Variants in WWOX observed in about 807,000 individuals in gnomAD.
The protein encoded by WWOX is WW domain containing oxidoreductase.
In WWOX, 69 loss-of-function variants were observed where a neutral mutation model predicts 46.2. That is an observed-to-expected ratio of 1.49 (90% CI 1.23 to 1.82). WWOX has a LOEUF of 1.82. Ranked by LOEUF, WWOX falls within the 40% of genes most tolerant of loss-of-function variation. The pLI is 0.00. For missense variants in WWOX, 919 were observed against 542.6 expected, an observed-to-expected ratio of 1.69 and a Z score of -6.89; for synonymous variants, 359 against 202.6, an observed-to-expected ratio of 1.77 and a Z score of -6.56.
At chr16:78,914,590 G>A (rs1207997460) in intron 8 of WWOX, among the ~76,000 whole-genome samples, 1 of 151,924 alleles carries the variant, frequency 6.6e-6, no homozygotes, top group Non-Finnish European at 1.5e-5. Flanking sequence ...AGTATAAGAG[G>A]GAAACCAGGC....
At chr16:78,784,675 G>T (rs180795440) in intron 8 of WWOX, among the ~76,000 whole-genome samples, 39 of 152,332 alleles carry the variant, frequency 2.6e-4, no homozygotes, top group African/African-American at 8.4e-4. Context: ...GTCAGTGTCA[G>T]TGGTTCCCAA....
intron 8 of WWOX, among the ~76,000 whole-genome samples, chr16:78,572,720 A>T (rs67398431): frequency 0.19 from 28,230 of 151,984 alleles, 3,189 homozygotes; most frequent in African/African-American, 0.32. Context: ...TGATAAAACT[A>T]TAAAGAAAAC....
At chr16:78,765,201 G>A (rs370121473) in intron 8 of WWOX, among the ~76,000 whole-genome samples, 1 of 152,212 alleles carries the variant, frequency 6.6e-6, no homozygotes, top group African/African-American at 2.4e-5. Context: ...GACAACAAAG[G>A]CATCCCTGGC....
intron 8 of WWOX, among the ~76,000 whole-genome samples, chr16:78,820,281 C>T (rs909285068): frequency 6.6e-6 from 1 of 152,192 alleles, no homozygotes; most frequent in Admixed American, 6.5e-5. Flanking sequence ...CCAGAATGTC[C>T]TTTCCATGTG....
chr16:78,791,255 C>G (rs994429558), intron 8 of WWOX, among the ~76,000 whole-genome samples: 1 of 152,052 alleles, frequency 6.6e-6, no homozygotes. Flanking sequence ...CACACACCCT[C>G]CCTCCGATCC....
intron 5 of WWOX, among the ~76,000 whole-genome samples, chr16:78,181,093 A>G (rs1186962255): frequency 6.6e-6 from 1 of 152,176 alleles, no homozygotes; most frequent in Non-Finnish European, 1.5e-5. Context: ...ATAAATGTAT[A>G]CTGAAAGAGA....
chr16:78,496,909 A>G (rs933647151), intron 8 of WWOX, among the ~76,000 whole-genome samples: 1 of 152,222 alleles, frequency 6.6e-6, no homozygotes, highest in Non-Finnish European at 1.5e-5. Flanking sequence ...GGCCTTGCTC[A>G]TTGATTCTCT....
At chr16:79,057,385 C>A (rs562534427) in intron 8 of WWOX, among the ~76,000 whole-genome samples, 52 of 152,318 alleles carry the variant, frequency 3.4e-4, no homozygotes, top group African/African-American at 1.2e-3. Context: ...CTGTAATTCA[C>A]CGGCCATAGC....
At chr16:78,905,434 G>T (rs10431969) in intron 8 of WWOX, among the ~76,000 whole-genome samples, 4,032 of 152,266 alleles carry the variant, frequency 0.026, 201 homozygotes, top group East Asian at 0.25. Context: ...AGGCTGGAGT[G>T]CAAGTGGCCC....
chr16:79,083,387 CCT>C (rs1300329970), intron 8 of WWOX, among the ~76,000 whole-genome samples: 1 of 152,112 alleles, frequency 6.6e-6, no homozygotes, highest in Non-Finnish European at 1.5e-5. Flanking sequence ...CTCCTGGGTC[CCT>C]GAGTGACCAC....
At chr16:78,405,997 A>T (rs765772255) in intron 6 of WWOX, among the ~76,000 whole-genome samples, 2 of 152,136 alleles carry the variant, frequency 1.3e-5, no homozygotes, top group Non-Finnish European at 2.9e-5. Context: ...GATATTCTTT[A>T]ACTGGGGATC....
chr16:79,062,619 G>A (rs1036805775), intron 8 of WWOX, among the ~76,000 whole-genome samples: 4 of 151,700 alleles, frequency 2.6e-5, no homozygotes, highest in Non-Finnish European at 5.9e-5. Flanking sequence ...TTTAATGAAT[G>A]TTTACATTTA....
intron 8 of WWOX, among the ~76,000 whole-genome samples, chr16:78,906,256 GGAA>G (rs2151248598): frequency 6.6e-6 from 1 of 152,312 alleles, no homozygotes; most frequent in African/African-American, 2.4e-5. Context: ...GTCTCCACAA[GGAA>G]GAAGTAGGAG....
At chr16:79,187,071 G>C (rs1475586941) in intron 8 of WWOX, among the ~76,000 whole-genome samples, 2 of 152,096 alleles carry the variant, frequency 1.3e-5, no homozygotes, top group African/African-American at 4.8e-5. Flanking sequence ...TGACTCTTTG[G>C]GTATTGTGTT....
intron 8 of WWOX, among the ~76,000 whole-genome samples, chr16:78,775,043 C>T (rs142349355): frequency 2.3e-4 from 35 of 152,260 alleles, no homozygotes; most frequent in African/African-American, 7.7e-4. Flanking sequence ...ACAGCCCTCA[C>T]TCCTGAGGGT....
intron 8 of WWOX, among the ~76,000 whole-genome samples, chr16:79,208,725 T>G (rs569283970): frequency 1.3e-5 from 2 of 152,282 alleles, no homozygotes; most frequent in African/African-American, 4.8e-5. Context: ...TCAGTCTTAT[T>G]CTGATGATAT....
intron 8 of WWOX, chr16:78,996,201 G>C (rs1434306844): frequency 2.0e-6 from 2 of 984,190 alleles, no homozygotes; most frequent in Non-Finnish European, 1.2e-6. Context: ...TCTCCATTTA[G>C]AAATTTTTGA....
intron 8 of WWOX, among the ~76,000 whole-genome samples, chr16:79,163,520 C>T (rs901350296): frequency 2.6e-5 from 4 of 152,060 alleles, no homozygotes; most frequent in Non-Finnish European, 4.4e-5. Flanking sequence ...AGAGAAAGGC[C>T]GGGCATGGTG....
At chr16:78,724,249 G>A (rs962179464) in intron 8 of WWOX, among the ~76,000 whole-genome samples, 2 of 152,078 alleles carry the variant, frequency 1.3e-5, no homozygotes, top group Non-Finnish European at 2.9e-5. Flanking sequence ...TAGGGCCTCT[G>A]GTTACCAGCA....
Sources: allele counts gnomAD v4.1 joint callset (sites outside exome capture counted in the v4.1 genomes callset), GRCh38; gene constraint gnomAD v4.1.1; transcripts MANE v1.5; gene names NCBI Gene and HGNC (gene_info 2026-07-23, HGNC 2026-07-21).